UNC5B: variants seen among roughly 807,000 people sequenced by gnomAD.
UNC5B encodes the protein netrin receptor UNC5B.
Under a neutral mutation model 103.7 loss-of-function variants are expected in UNC5B, and 56 were observed. The observed-to-expected ratio is 0.54, with a 90% CI of 0.44 to 0.67. The LOEUF (loss-of-function observed/expected upper bound fraction) is 0.67, where lower values mean the gene tolerates loss of function less well. Among genes scored for constraint, UNC5B ranks in the 30% least tolerant of loss-of-function variants. UNC5B has a pLI of 0.00. For synonymous variants in UNC5B, 577 were observed against 542.0 expected (o/e 1.06, Z -0.90); for missense variants, 1,194 against 1,284.5 (o/e 0.93, Z 1.08).
chr10:71,285,488 G>T, intron 4 of UNC5B, 59 bp downstream of exon 4: 1 of 1,423,622 alleles, frequency 7.0e-7, no homozygotes, highest in Non-Finnish European at 9.4e-7. Context: ...GCAGAAGCCA[G>T]GCAGGCATGG....
intron 1 of UNC5B, among the ~76,000 whole-genome samples, chr10:71,250,243 C>A (rs1317692586): frequency 6.6e-6 from 1 of 152,226 alleles, no homozygotes; most frequent in Non-Finnish European, 1.5e-5. Context: ...CCTTTCCCCC[C>A]GGCCCTAGGG....
At chr10:71,271,518 C>A (rs1447691432) in intron 1 of UNC5B, among the ~76,000 whole-genome samples, 2 of 152,248 alleles carry the variant, frequency 1.3e-5, no homozygotes, top group African/African-American at 4.8e-5. Flanking sequence ...CAAGACTGAG[C>A]CAAAGGAACC....
intron 1 of UNC5B, chr10:71,217,137 T>C (rs2132233802): frequency 6.5e-6 from 1 of 152,836 alleles, no homozygotes; most frequent in East Asian, 1.9e-4. Context: ...GGCGTCCTCC[T>C]CCTTCTCCTC....
chr10:71,227,611 CAT>C (rs1285415267), intron 1 of UNC5B, among the ~76,000 whole-genome samples: 1 of 127,452 alleles, frequency 7.8e-6, no homozygotes, highest in African/African-American at 2.9e-5. Context: ...TACATATATA[CAT>C]ATATATACAT....
At chr10:71,249,719 G>A (rs1483952714) in intron 1 of UNC5B, among the ~76,000 whole-genome samples, 2 of 152,242 alleles carry the variant, frequency 1.3e-5, no homozygotes. Flanking sequence ...GCAGTGGGCA[G>A]TGCAGATATC....
At position 71,226,042 on chromosome 10, in the gene UNC5B, T is replaced by G. The variant is rs534267738; in HGVS notation, c.79+12978T>G. ...GAGATATTATCTTTCCAAAATCTTA[T>G]CAGATCATAAGCGTTTTTATTTATT... On this transcript the variant is annotated intron_variant, in intron 1 of 16. Coordinates refer to ENST00000335350, the MANE Select transcript of UNC5B (RefSeq NM_170744.5). 2.7e-4 allele frequency among the ~76,000 whole-genome samples: 41 copies of G among 152,326 alleles called. No homozygotes were observed. In the South Asian group the frequency reaches 5.8e-3, roughly 22 times the overall value.
Position 71,296,618 on chromosome 10 carries a change from C to T in UNC5B, c.2366C>T (p.Ala789Val). ...FYHIWSGSQK[A>V]LHCTFTLERH... ...CACATTTGGAGTGGCAGCCAGAAGG[C>T]CCTCCACTGCACTTTCACCCTGGAG... The change falls in exon 15 of 17, where the codon GCC (alanine) becomes GTC (valine). Residue 789 changes from alanine (A) to valine (V), a missense_variant. Transcript: ENST00000335350. The T allele has an allele frequency of 6.2e-7, 1 of 1,613,942 alleles. No homozygotes were observed. The highest frequency in any genetic ancestry group is 8.5e-7 in the Non-Finnish European group (1 of 1,180,034).
chr10:71,291,707 C>T lies in UNC5B; in HGVS notation c.1570C>T (p.Leu524=). ...CGCCCGGGACACCCACTTCCTGCAC[C>T]TGCGCAGCGCCAGCCTCGGTTCCCA... is the stretch of plus-strand genomic sequence containing the variant. The part of the protein sequence containing the change: ...DFARDTHFLH[L]RSASLGSQQL... Residue 524 remains leucine (L), a synonymous_variant, in exon 10 of 17, where the codon CTG becomes TTG. Transcript: ENST00000335350. 2 of 1,612,902 alleles carry T rather than the reference C, an allele frequency of 1.2e-6. No individual in the cohort carries two copies. The highest frequency in any genetic ancestry group is 1.6e-4 in the Middle Eastern group (1 of 6,062).
At chr10:71,282,729 G>C (rs371979174) in intron 2 of UNC5B, among the ~76,000 whole-genome samples, 1 of 152,076 alleles carries the variant, frequency 6.6e-6, no homozygotes, top group African/African-American at 2.4e-5. Flanking sequence ...CCATCAGGAC[G>C]GGGCTGTCCC....
intron 1 of UNC5B, among the ~76,000 whole-genome samples, chr10:71,227,603 CATATATACAT>C (rs1185567402): frequency 6.6e-5 from 8 of 120,804 alleles, no homozygotes; most frequent in East Asian, 6.1e-4. Context: ...TGTATACATA[CATATATACAT>C]ATATATACAT....
Position 71,295,961 on chromosome 10 carries a change from G to C in UNC5B, c.2325+1G>C. On this transcript the variant is annotated splice_donor_variant, in intron 14 of 16. Transcript: ENST00000335350. LOFTEE classifies it high-confidence loss of function. ...GAGCAAGCTGCTGGCCAAATACCAG[G>C]TGAGGGCTGGGCTGATGGATGGGGA... The C allele has an allele frequency of 6.2e-7, 1 of 1,612,750 alleles. No individual in the cohort carries two copies. Among genetic ancestry groups the C allele is most frequent in the East Asian group, 2.2e-5 (1 of 44,876 alleles).
Position 71,224,391 on chromosome 10 carries a change from A to G in UNC5B, c.79+11327A>G, listed in dbSNP as rs1282638219. ...CACACACACACACACACACACACAC[A>G]CACACACACACACACACACACACAC... On this transcript the variant is annotated intron_variant, in intron 1 of 16. Coordinates refer to ENST00000335350, the MANE Select transcript of UNC5B (RefSeq NM_170744.5). 1.3e-5 allele frequency among the ~76,000 whole-genome samples: 2 copies of G among 151,938 alleles called. 1 individual carries two copies. The highest frequency in any genetic ancestry group is 4.8e-5 in the African/African-American group (2 of 41,340).
chr10:71,279,737 T>C, intron 1 of UNC5B, 84 bp from the exon 2 acceptor site: 1 of 1,442,326 alleles, frequency 6.9e-7, no homozygotes, highest in Non-Finnish European at 9.4e-7. Context: ...CCTCTTCGTC[T>C]GCGGTGGGCC....
intron 1 of UNC5B, among the ~76,000 whole-genome samples, chr10:71,264,199 G>T (rs1844474774): frequency 6.6e-6 from 1 of 152,112 alleles, no homozygotes; most frequent in South Asian, 2.1e-4. Context: ...CAATAGAGAT[G>T]GCTATTGATA....
chr10:71,247,978 C>G (rs1376611839), intron 1 of UNC5B, among the ~76,000 whole-genome samples: 1 of 152,164 alleles, frequency 6.6e-6, no homozygotes, highest in Non-Finnish European at 1.5e-5. Context: ...TCACCTCCTC[C>G]TATGTGGCCT....
intron 1 of UNC5B, among the ~76,000 whole-genome samples, chr10:71,249,658 T>G (rs1230849294): frequency 6.6e-6 from 1 of 152,100 alleles, no homozygotes; most frequent in Non-Finnish European, 1.5e-5. Context: ...CCTACCACCC[T>G]CATCTCTCTC....
chr10:71,251,756 C>T (rs1844178155), intron 1 of UNC5B, among the ~76,000 whole-genome samples: 1 of 152,182 alleles, frequency 6.6e-6, no homozygotes. Context: ...AAGATAATTC[C>T]TCTCCTGTGA....
intron 1 of UNC5B, among the ~76,000 whole-genome samples, chr10:71,214,822 C>G (rs1843299299): frequency 6.6e-6 from 1 of 152,286 alleles, no homozygotes; most frequent in Middle Eastern, 3.4e-3. Flanking sequence ...ATCCAGCCCC[C>G]ACCTTCCCCA....
chr10:71,292,926 T>C (rs1053327017), intron 11 of UNC5B, among the ~76,000 whole-genome samples: 22 of 152,216 alleles, frequency 1.4e-4, no homozygotes, highest in Admixed American at 1.2e-3. Flanking sequence ...TTTAGTCTAA[T>C]TTGCAGAGAA....
Sources: allele counts gnomAD v4.1 joint callset (sites outside exome capture counted in the v4.1 genomes callset), GRCh38; gene constraint gnomAD v4.1.1; transcripts MANE v1.5; gene names NCBI Gene and HGNC (gene_info 2026-07-23, HGNC 2026-07-21).